Variants in GLRX2 observed in about 807,000 individuals in gnomAD.
GLRX2 encodes glutaredoxin 2, also known as bA101E13.1 (GRX2 glutaredoxin (thioltransferase) 2).
In GLRX2, 12 loss-of-function variants were observed where a neutral mutation model predicts 16.4. The observed-to-expected ratio is 0.73, with a 90% CI of 0.47 to 1.19. The LOEUF (loss-of-function observed/expected upper bound fraction) is 1.19, where lower values mean the gene tolerates loss of function less well. Among genes scored for constraint, GLRX2 ranks in the 50% most tolerant of loss-of-function variants. GLRX2 has a pLI of 0.00. For synonymous variants in GLRX2, 95 were observed against 76.2 expected, an observed-to-expected ratio of 1.25 and a Z score of -1.28; for missense variants, 201 against 201.8, an observed-to-expected ratio of 1.00 and a Z score of 0.02.
rs951973937 is a variant in GLRX2 at position 193,105,318 on chromosome 1, C to T, written c.65G>A (p.Gly22Asp). 1 of 1,535,046 alleles carries T rather than the reference C, an allele frequency of 6.5e-7. No homozygotes were observed. The highest frequency in any genetic ancestry group is 2.2e-4 in the Middle Eastern group (1 of 4,478). ...AGCTCCCGCCGCCCTGTCAAGCCAG[C>T]CTGCCGAGCCGCTCCTGCTCCAAAC... ...RLVWSRSGSAGWLDRAAGAAG... is the reference protein window; with the variant it reads ...RLVWSRSGSADWLDRAAGAAG... The change falls in exon 1 of 4, where the codon GGC (glycine) becomes GAC (aspartate). Residue 22 changes from glycine to aspartate, a missense_variant. By Grantham distance (94) the Gly-to-Asp change is moderately conservative. Coordinates refer to ENST00000367439, the MANE Select transcript of GLRX2 (RefSeq NM_197962.3).
chr1:193,097,483 A>G, intron 3 of GLRX2, 101 bp downstream of exon 3: 1 of 852,476 alleles, frequency 1.2e-6, no homozygotes, highest in Admixed American at 2.9e-5. Context: ...ATCTATCCTC[A>G]GAGAATGTCT....
At chr1:193,105,609 G>A, upstream of GLRX2, 38 of 1,605,726 alleles carry the variant, frequency 2.4e-5, no homozygotes, top group Non-Finnish European at 3.1e-5. Flanking sequence ...GAGGGGAGAA[G>A]CGGCTCACTT....
At chr1:193,098,430 C>T (rs1356976473) in intron 2 of GLRX2, among the ~76,000 whole-genome samples, 1 of 152,086 alleles carries the variant, frequency 6.6e-6, no homozygotes, top group Non-Finnish European at 1.5e-5. Context: ...ATCCCAGCTA[C>T]TCAGAAGGCT....
upstream of GLRX2, chr1:193,105,722 G>T: frequency 1.4e-6 from 2 of 1,457,564 alleles, no homozygotes. Context: ...TGAGGATGGT[G>T]GCAGACATGC....
At chr1:193,100,117 C>T (rs1675044293) in intron 2 of GLRX2, among the ~76,000 whole-genome samples, 2 of 152,184 alleles carry the variant, frequency 1.3e-5, no homozygotes, top group African/African-American at 4.8e-5. Context: ...TTCTAGAACT[C>T]TCTTCCCACT....
intron 1 of GLRX2, 113 bp from the exon 2 acceptor site, chr1:193,101,317 TA>T (rs1243754942): frequency 1.4e-6 from 1 of 715,008 alleles, no homozygotes. Flanking sequence ...ACTTACAAAA[TA>T]GAAAAAAATT....
Position 193,097,636 on chromosome 1 carries a change from T to C in GLRX2, c.308A>G (p.Glu103Gly). 6.2e-7 allele frequency: 1 copy of C among 1,612,424 alleles called. No homozygotes were observed. The change falls in exon 3 of 4, where the codon GAA (glutamate) becomes GGA (glycine). Residue 103 changes from glutamate to glycine, a missense_variant. Glu to Gly is a moderately conservative substitution (Grantham distance 98). Coordinates refer to ENST00000367439, the MANE Select transcript of GLRX2 (RefSeq NM_197962.3). ...NYKVVELDLL[E>G]YGNQFQDALY... ...AGCATCTTGGAACTGGTTTCCATAT[T>C]CAAGCAGGTCCAGTTCCACCACTTT...
chr1:193,099,496 A>ACAC (rs1363080414), intron 2 of GLRX2, among the ~76,000 whole-genome samples: 1 of 151,948 alleles, frequency 6.6e-6, no homozygotes, highest in East Asian at 1.9e-4. Context: ...ATGTGTCACC[A>ACAC]CACCTCGATA....
At chr1:193,097,549 T>C (rs767001487) in intron 3 of GLRX2, 35 bp downstream of exon 3, 2 of 1,514,912 alleles carry the variant, frequency 1.3e-6, no homozygotes, top group Non-Finnish European at 1.8e-6. Flanking sequence ...TTACAACCTA[T>C]TAAAGAGGAA....
intron 1 of GLRX2, among the ~76,000 whole-genome samples, chr1:193,103,568 T>C (rs917245925): frequency 6.6e-6 from 1 of 151,978 alleles, no homozygotes; most frequent in African/African-American, 2.4e-5. Context: ...ATGTATAGGG[T>C]TCAGTACTAT....
chr1:193,101,227 A>G lies in GLRX2; in HGVS notation c.120-23T>C, dbSNP rs755184994. 1.8e-5 allele frequency: 26 copies of G among 1,435,164 alleles called. No homozygotes were observed. In the Admixed American group the frequency reaches 3.9e-4, roughly 21 times the overall value. 88.9% of individuals were successfully genotyped at this position (1,435,164 alleles called of 1,614,324 possible). A position where few individuals can be genotyped will look rare whatever the true frequency, so the allele number is the denominator to read the frequency against. ...ATCCTAAAAGGAATTTAAGAGAACA[A>G]TGTAGTTTATTAAGCATTAAGGATA... On this transcript the variant is annotated intron_variant, in intron 1 of 3. Transcript: ENST00000367439.
chr1:193,096,538 A>T lies in GLRX2; in HGVS notation c.*87T>A. ...TTCGTGAAGACAATGCATGTATTTA[A>T]AACATCCTCAAACATTTAAAAGACA... On this transcript the variant is annotated 3_prime_UTR_variant, in exon 4 of 4. Transcript: ENST00000367439. 1 of 689,904 alleles carries T rather than the reference A, an allele frequency of 1.4e-6. No individual in the cohort carries two copies. Among genetic ancestry groups the T allele is most frequent in the Non-Finnish European group, 2.3e-6 (1 of 427,392 alleles). The allele number at this position is 689,904 out of a possible 1,614,324, so 42.7% of individuals were successfully genotyped here.
upstream of GLRX2, chr1:193,105,639 C>T (rs1392058812): frequency 3.8e-6 from 6 of 1,594,862 alleles, no homozygotes; most frequent in Non-Finnish European, 5.1e-6. Flanking sequence ...GAGGGTTCAT[C>T]CGAGCCCCGC....
rs1370250356 is a variant in GLRX2 at position 193,105,345 on chromosome 1, A to C, written c.38T>G (p.Leu13Arg). 6.5e-7 allele frequency: 1 copy of C among 1,547,386 alleles called. No homozygotes were observed. The highest frequency in any genetic ancestry group is 1.4e-5 in the African/African-American group (1 of 70,618). The change falls in exon 1 of 4, where the codon CTG becomes CGG. Residue 13 changes from leucine to arginine, a missense_variant. By Grantham distance (102) the Leu-to-Arg change is moderately radical. Transcript: ENST00000367439. ...TGCCGAGCCGCTCCTGCTCCAAACC[A>C]GCCGCGTCCCCGCCAGCGCCGCGCG... ...WRRAALAGTR[L>R]VWSRSGSAGW...
chr1:193,097,635 T>C lies in GLRX2; in HGVS notation c.309A>G (p.Glu103=). 6.2e-7 allele frequency: 1 copy of C among 1,612,454 alleles called. No homozygotes were observed. Among genetic ancestry groups the C allele is most frequent in the East Asian group, 2.2e-5 (1 of 44,810 alleles). Residue 103 remains glutamate (E), a synonymous_variant, in exon 3 of 4, where the codon GAA becomes GAG. Coordinates refer to ENST00000367439, the MANE Select transcript of GLRX2 (RefSeq NM_197962.3). The part of the protein sequence containing the change: ...NYKVVELDLL[E]YGNQFQDALY... Reference sequence around the variant, plus strand: ...GAGCATCTTGGAACTGGTTTCCATATTCAAGCAGGTCCAGTTCCACCACTT... The same window carrying C: ...GAGCATCTTGGAACTGGTTTCCATACTCAAGCAGGTCCAGTTCCACCACTT...
Position 193,096,770 on chromosome 1 carries a change from A to T in GLRX2, c.361-11T>A, listed in dbSNP as rs1572124093. 6.3e-7 allele frequency: 1 copy of T among 1,595,710 alleles called. No individual in the cohort carries two copies. Among genetic ancestry groups the T allele is most frequent in the Admixed American group, 1.8e-5 (1 of 56,398 alleles). On this transcript the variant is annotated splice_polypyrimidine_tract_variant and intron_variant, in intron 3 of 3. Transcript: ENST00000367439. ...AAATATTCTTGGAACCTGTTGGACA[A>T]ACAAAAGAAGAATTAGGCTTTACTC...
rs1674965653 is a variant in GLRX2, at chr1:193,096,680, A to C, written c.440T>G (p.Leu147Arg). The change falls in exon 4 of 4, where the codon CTC (leucine) becomes CGC (arginine). Residue 147 changes from leucine to arginine, a missense_variant. Physicochemically the swap from Leu to Arg is moderately radical, Grantham distance 102. Transcript: ENST00000367439. ...THRLHKEGKLLPLVHQCYLKK... is the reference protein window; with the variant it reads ...THRLHKEGKLRPLVHQCYLKK... ...TAAATAACACTGATGAACTAGTGGG[A>C]GCAATTTTCCTTCTTTGTGAAGCCT... is the stretch of plus-strand genomic sequence containing the variant. The C allele has an allele frequency of 6.2e-7, 1 of 1,602,422 alleles. No individual in the cohort carries two copies. The highest frequency in any genetic ancestry group is 1.3e-5 in the African/African-American group (1 of 74,688).
chr1:193,105,829 A>G, upstream of GLRX2: 1 of 1,314,288 alleles, frequency 7.6e-7, no homozygotes, highest in East Asian at 3.2e-5. Flanking sequence ...TTTTGTGTGG[A>G]TGAAATAAGA....
At chr1:193,105,222 C>T in intron 1 of GLRX2, 42 bp downstream of exon 1, 2 of 1,529,144 alleles carry the variant, frequency 1.3e-6, no homozygotes, top group South Asian at 1.2e-5. Context: ...CCCGCAAGGC[C>T]TGCGCACCAC....
Sources: gnomAD v4.1 joint callset for allele counts (sites outside exome capture counted in the v4.1 genomes callset) on GRCh38, gnomAD v4.1.1 for gene constraint, MANE v1.5 for transcripts, NCBI Gene and HGNC (gene_info 2026-07-23, HGNC 2026-07-21) for gene names.